Variants in ABLIM1 observed in about 807,000 individuals in gnomAD.
The protein encoded by ABLIM1 is actin-binding LIM protein 1.
Under a neutral mutation model 107.0 loss-of-function variants are expected in ABLIM1, and 40 were observed. The observed-to-expected ratio is 0.37, with a 90% CI of 0.29 to 0.49. The LOEUF (loss-of-function observed/expected upper bound fraction) is 0.49, where lower values mean the gene tolerates loss of function less well. Among genes scored for constraint, ABLIM1 ranks in the 20% least tolerant of loss-of-function variants. The probability of loss-of-function intolerance (pLI) is 0.97; values close to 1 mark genes in which losing one functional copy is unlikely to be tolerated. For missense variants in ABLIM1, 857 were observed against 1,008.5 expected (o/e 0.85, Z 2.04); for synonymous variants, 357 against 357.3 (o/e 1.00, Z 0.01).
upstream of ABLIM1, chr10:114,685,090 G>C (rs904698636): frequency 3.3e-5 from 5 of 152,140 alleles, no homozygotes; most frequent in African/African-American, 1.2e-4. Flanking sequence ...ACTCAGGAAA[G>C]AGGCATTTTT....
At chr10:114,527,491 G>A (rs2064946036) in intron 6 of ABLIM1, among the ~76,000 whole-genome samples, 1 of 152,116 alleles carries the variant, frequency 6.6e-6, no homozygotes. Context: ...CATTTTCAAC[G>A]AAACCATCCC....
chr10:114,450,784 A>G (rs942138433), intron 14 of ABLIM1, among the ~76,000 whole-genome samples: 26 of 152,124 alleles, frequency 1.7e-4, no homozygotes, highest in African/African-American at 6.3e-4. Flanking sequence ...TGTCAGCTGA[A>G]TTCTAAAGGC....
chr10:114,643,579 C>CTTTT (rs34191046), intron 1 of ABLIM1, among the ~76,000 whole-genome samples: 28 of 136,738 alleles, frequency 2.0e-4, no homozygotes, highest in African/African-American at 7.0e-4. Context: ...TATCCAGATT[C>CTTTT]TTTTTTTTTT....
chr10:114,500,721 AGGAAGGGAAAGGAAGGGAAG>A (rs2060289352), intron 6 of ABLIM1, among the ~76,000 whole-genome samples: 1 of 87,284 alleles, frequency 1.1e-5, no homozygotes, highest in South Asian at 4.3e-4. Flanking sequence ...GGGAAGGGAA[AGGAAGGGAAAGGAAGGGAAG>A]GGAAGGGAAG....
intron 4 of ABLIM1, among the ~76,000 whole-genome samples, chr10:114,555,004 T>G (rs1270774413): frequency 6.6e-6 from 1 of 152,136 alleles, no homozygotes. Context: ...TATGTGTAAT[T>G]ACCGAGCCGA....
At chr10:114,723,097 T>A (rs1456562509) in intron 1 of ABLIM1, among the ~76,000 whole-genome samples, 2 of 152,202 alleles carry the variant, frequency 1.3e-5, no homozygotes, top group Admixed American at 1.3e-4. Flanking sequence ...GCACAACACA[T>A]ATCCACTGAA....
chr10:114,598,824 C>G (rs2075708712), intron 2 of ABLIM1, among the ~76,000 whole-genome samples: 1 of 152,026 alleles, frequency 6.6e-6, no homozygotes, highest in Non-Finnish European at 1.5e-5. Context: ...TAGAATTATA[C>G]AAGTGGCTTG....
At chr10:114,632,976 T>A in intron 1 of ABLIM1, among the ~76,000 whole-genome samples, 1 of 152,080 alleles carries the variant, frequency 6.6e-6, no homozygotes, top group East Asian at 1.9e-4. Flanking sequence ...GGACTTCTGG[T>A]TCACAAAGCC....
At chr10:114,508,309 C>G (rs2061419921) in intron 6 of ABLIM1, among the ~76,000 whole-genome samples, 1 of 152,188 alleles carries the variant, frequency 6.6e-6, no homozygotes, top group Non-Finnish European at 1.5e-5. Context: ...GTTAATATCT[C>G]CATTTCTCAG....
chr10:114,565,788 CTTT>C (rs577896964), intron 4 of ABLIM1, among the ~76,000 whole-genome samples: 6 of 101,084 alleles, frequency 5.9e-5, no homozygotes, highest in African/African-American at 2.1e-4. Flanking sequence ...GAAATGATTT[CTTT>C]TTTTTTTTTT....
At chr10:114,543,440 T>A (rs2066936970) in intron 6 of ABLIM1, among the ~76,000 whole-genome samples, 1 of 152,230 alleles carries the variant, frequency 6.6e-6, no homozygotes, top group Non-Finnish European at 1.5e-5. Context: ...CTGGTTTCTT[T>A]TACTTAAAGG....
At chr10:114,490,811 T>A (rs1342880934) in intron 7 of ABLIM1, among the ~76,000 whole-genome samples, 2 of 150,850 alleles carry the variant, frequency 1.3e-5, no homozygotes, top group Non-Finnish European at 2.9e-5. Flanking sequence ...TATGTATGCT[T>A]ATTTTTTTTG....
intron 6 of ABLIM1, among the ~76,000 whole-genome samples, chr10:114,544,461 C>T (rs1009136052): frequency 2.0e-5 from 3 of 152,192 alleles, no homozygotes; most frequent in Non-Finnish European, 4.4e-5. Context: ...TAGCTGGAGG[C>T]GGTTGCACCT....
chr10:114,625,748 G>A (rs182735233), intron 1 of ABLIM1, among the ~76,000 whole-genome samples: 1 of 152,132 alleles, frequency 6.6e-6, no homozygotes, highest in South Asian at 2.1e-4. Flanking sequence ...GGCTCAGGGT[G>A]GACATTAGCA....
At chr10:114,613,857 A>G in intron 1 of ABLIM1, 1 of 550,244 alleles carries the variant, frequency 1.8e-6, no homozygotes, top group South Asian at 1.9e-5. Flanking sequence ...TGCTGGGTGT[A>G]ACCTCTGCAA....
At chr10:114,790,760 T>G in the ABLIM1 span, among the ~76,000 whole-genome samples, 1 of 152,226 alleles carries the variant, frequency 6.6e-6, no homozygotes. Flanking sequence ...CATGATGTGT[T>G]GAGATTTTGC....
In ABLIM1 at chr10:114,510,926, C is replaced by T. The variant is rs1448168878; in HGVS notation, c.895-19048G>A. 9.9e-5 allele frequency among the ~76,000 whole-genome samples: 15 copies of T among 152,116 alleles called. No individual in the cohort carries two copies. The East Asian group carries it at 2.3e-3, about 23-fold the overall frequency. On this transcript the variant is annotated intron_variant, in intron 6 of 22. Transcript: ENST00000533213. The stretch of plus-strand genomic sequence containing the variant: ...TCAGTCTCCCAAAGTGCTGGGATTA[C>T]AGGCCTGAGCCATTGTGCCCTGCCA...
intron 1 of ABLIM1, among the ~76,000 whole-genome samples, chr10:114,645,673 C>T (rs1280416254): frequency 6.6e-6 from 1 of 152,106 alleles, no homozygotes; most frequent in Non-Finnish European, 1.5e-5. Flanking sequence ...AATTGGATCA[C>T]CTTATTATAC....
At chr10:114,667,024 G>A (rs1012308278) in intron 1 of ABLIM1, among the ~76,000 whole-genome samples, 4 of 152,028 alleles carry the variant, frequency 2.6e-5, no homozygotes, top group East Asian at 3.9e-4. Context: ...CACTGTCCAC[G>A]TCTCCACCCT....
Sources: gnomAD v4.1 joint callset for allele counts (sites outside exome capture counted in the v4.1 genomes callset) on GRCh38, gnomAD v4.1.1 for gene constraint, MANE v1.5 for transcripts, NCBI Gene and HGNC (gene_info 2026-07-23, HGNC 2026-07-21) for gene names.